SIN3B: variants seen among roughly 807,000 people sequenced by gnomAD.
SIN3B encodes paired amphipathic helix protein Sin3b.
SIN3B carries 19 observed loss-of-function variants against 120.2 expected under a neutral mutation model. That is an observed-to-expected ratio of 0.16 (90% CI 0.11 to 0.23). The LOEUF (loss-of-function observed/expected upper bound fraction) is 0.23. SIN3B is among the 10% of genes least tolerant of loss of function. The pLI is 1.00. For synonymous variants in SIN3B, 654 were observed against 653.2 expected (o/e 1.00, Z -0.02); for missense variants, 1,073 against 1,573.0 (o/e 0.68, Z 5.38).
chr19:16,878,655 G>C lies in SIN3B; in HGVS notation c.3321G>C (p.Glu1107Asp). The C allele has an allele frequency of 6.2e-7, 1 of 1,613,464 alleles. No individual in the cohort carries two copies. The highest frequency in any genetic ancestry group is 8.5e-7 in the Non-Finnish European group (1 of 1,179,808). ...EDMVPCKTLC[E>D]TVHVHGLPVT... ...TGGTACCCTGCAAGACGCTGTGTGA[G>C]ACAGTGCACGTGCACGGCCTGCCCG... is the stretch of plus-strand genomic sequence containing the variant. The change falls in exon 19 of 19, where the codon GAG becomes GAC. Residue 1107 changes from glutamate to aspartate, a missense_variant. By Grantham distance (45) the Glu-to-Asp change is conservative (BLOSUM62 2). Transcript: ENST00000248054.
At chr19:16,829,762 G>A (rs1398790407) in intron 1 of SIN3B, 29 bp from the exon 2 acceptor site, 7 of 1,571,610 alleles carry the variant, frequency 4.5e-6, no homozygotes, top group Non-Finnish European at 6.1e-6. Flanking sequence ...CGCGGCCAGG[G>A]CCCACCGGGA....
intron 3 of SIN3B, among the ~76,000 whole-genome samples, chr19:16,833,722 GT>G (rs1163593716): frequency 1.4e-5 from 2 of 146,196 alleles, no homozygotes; most frequent in South Asian, 2.3e-4. Context: ...GAGTCTCAGG[GT>G]TTTTTTTTTG....
intron 3 of SIN3B, among the ~76,000 whole-genome samples, chr19:16,840,755 C>T (rs1159849214): frequency 6.6e-6 from 1 of 152,206 alleles, no homozygotes; most frequent in Non-Finnish European, 1.5e-5. Flanking sequence ...CTCTGTTTCT[C>T]ACACTGTTCT....
chr19:16,849,956 CAAAAA>C (rs145144544), intron 5 of SIN3B, among the ~76,000 whole-genome samples: 1 of 59,256 alleles, frequency 1.7e-5, no homozygotes, highest in Admixed American at 1.9e-4. Context: ...ACCTCCGTCT[CAAAAA>C]AAAAAAAAAA....
chr19:16,875,220 TTGGTC>T (rs958347711), intron 14 of SIN3B, among the ~76,000 whole-genome samples: 53 of 138,812 alleles, frequency 3.8e-4, no homozygotes, highest in African/African-American at 9.0e-4. Flanking sequence ...CTGGTCTGGT[TTGGTC>T]TGGTCTGGTC....
Position 16,866,420 on chromosome 19 carries a change from A to G in SIN3B, c.1670A>G (p.Asn557Ser), listed in dbSNP as rs1971773974. ...EEWREAQQGF[N>S]KIWREQYEKA... ...TGGCGGGAGGCCCAGCAGGGCTTCAACAAGATCTGGCGGGAGCAGTATGAG... is the reference window on the plus strand; with the variant it reads ...TGGCGGGAGGCCCAGCAGGGCTTCAGCAAGATCTGGCGGGAGCAGTATGAG... The change falls in exon 12 of 19, where the codon AAC becomes AGC. Residue 557 changes from asparagine (N) to serine (S), a missense_variant. By Grantham distance (46) the Asn-to-Ser change is conservative. This residue lies in a region of SIN3B where 118 missense variants were observed against 281.6 expected (regional missense o/e 0.42). Coordinates refer to ENST00000248054, the MANE Select transcript of SIN3B (RefSeq NM_001297595.2). 5 of 1,613,176 alleles carry G rather than the reference A, an allele frequency of 3.1e-6. No individual in the cohort carries two copies. Among genetic ancestry groups the G allele is most frequent in the Non-Finnish European group, 3.4e-6 (4 of 1,179,888 alleles).
rs553017191 is a variant in SIN3B at position 16,860,448 on chromosome 19, G to A, written c.1059-1904G>A. On this transcript the variant is annotated intron_variant, in intron 8 of 18. Transcript: ENST00000248054. ...TTCCTACGTTTCCATCGGCTTGTGG[G>A]TTTTCCTTGTGAGCAGGGTTGGCAT... Among the ~76,000 whole-genome samples the A allele has an allele frequency of 3.3e-5, 5 of 152,238 alleles. No homozygotes were observed. In the South Asian group the frequency reaches 8.3e-4, roughly 25 times the overall value.
chr19:16,845,948 T>C (rs1208739851), intron 4 of SIN3B, among the ~76,000 whole-genome samples: 1 of 152,154 alleles, frequency 6.6e-6, no homozygotes, highest in Non-Finnish European at 1.5e-5. Flanking sequence ...AAGTGTAAAA[T>C]TTTTTGTAGC....
intron 3 of SIN3B, 117 bp from the exon 4 acceptor site, chr19:16,841,651 C>T: frequency 3.1e-6 from 3 of 958,938 alleles, no homozygotes; most frequent in East Asian, 2.4e-5. Flanking sequence ...GTCTCTAATA[C>T]AGCTTGGCTC....
chr19:16,854,280 A>G lies in SIN3B; in HGVS notation c.1058+19A>G, dbSNP rs779028007. On this transcript the variant is annotated intron_variant, in intron 8 of 18. Transcript: ENST00000248054. The stretch of plus-strand genomic sequence containing the variant: ...TTCTGGGGTGAGCAGCTGACTTCCC[A>G]GGGCTCCCTAGGGGGGTTCTGTTCC... 6.6e-7 allele frequency: 1 copy of G among 1,524,362 alleles called. No individual in the cohort carries two copies. The highest frequency in any genetic ancestry group is 9.1e-7 in the Non-Finnish European group (1 of 1,104,878). The allele number at this position is 1,524,362 out of a possible 1,614,324, so 94.4% of individuals were successfully genotyped here.
At chr19:16,858,092 G>T (rs1406725397) in intron 8 of SIN3B, among the ~76,000 whole-genome samples, 1 of 152,042 alleles carries the variant, frequency 6.6e-6, no homozygotes, top group Non-Finnish European at 1.5e-5. Context: ...GGTCAGGCTG[G>T]TCTCAAACTC....
chr19:16,844,795 A>C (rs2144587123), intron 4 of SIN3B, among the ~76,000 whole-genome samples: 1 of 152,278 alleles, frequency 6.6e-6, no homozygotes, highest in East Asian at 1.9e-4. Context: ...CTTGGAAGAG[A>C]CCTGAGGCTG....
intron 8 of SIN3B, among the ~76,000 whole-genome samples, chr19:16,860,778 T>C (rs1971677647): frequency 6.6e-6 from 1 of 151,800 alleles, no homozygotes; most frequent in African/African-American, 2.4e-5. Context: ...ATTTTTTTTT[T>C]GTATTTTTAG....
In SIN3B at chr19:16,841,962, G is replaced by A. The variant is rs373254965; in HGVS notation, c.576G>A (p.Thr192=). The change falls in exon 4 of 19, where the codon ACG becomes ACA. Residue 192 remains threonine (T), a synonymous_variant. Transcript: ENST00000248054. Reference sequence around the variant, plus strand: ...GGTCATTCCTGGAGATCCTGCACACGTACCAGGTAAGAACTCAGATTACAA... The same window carrying A: ...GGTCATTCCTGGAGATCCTGCACACATACCAGGTAAGAACTCAGATTACAA... ...IYRSFLEILH[T]YQKEQLNTRG... 10 of 1,612,984 alleles carry A rather than the reference G, an allele frequency of 6.2e-6. No individual in the cohort carries two copies. Among genetic ancestry groups the A allele is most frequent in the Middle Eastern group, 1.6e-4 (1 of 6,062 alleles).
chr19:16,830,621 C>T (rs975513032), intron 2 of SIN3B, among the ~76,000 whole-genome samples: 1 of 152,224 alleles, frequency 6.6e-6, no homozygotes, highest in African/African-American at 2.4e-5. Context: ...GCTGCCCCCT[C>T]TTAGGAAACA....
In SIN3B at chr19:16,860,662, G is replaced by A. The variant is rs979993981; in HGVS notation, c.1059-1690G>A. On this transcript the variant is annotated intron_variant, in intron 8 of 18. Transcript: ENST00000248054. ...GTCGCCCAGGCTGGAGTGCAGTGGC[G>A]TGATCTCGGCTCACTGCAACCTCTG... is the stretch of plus-strand genomic sequence containing the variant. Among the ~76,000 whole-genome samples the A allele has an allele frequency of 2.7e-5, 4 of 148,900 alleles. No individual in the cohort carries two copies. The South Asian group carries it at 6.4e-4, about 24-fold the overall frequency.
chr19:16,871,427 T>C lies in SIN3B; in HGVS notation c.2592+29T>C, dbSNP rs762763780. The stretch of plus-strand genomic sequence containing the variant: ...AGCCGGGCCGGGGTGGGGCCGGCCC[T>C]GAGGACGGCGGAAATGGCTCTACCA... On this transcript the variant is annotated intron_variant, in intron 14 of 18. Transcript: ENST00000248054. 3.8e-6 allele frequency: 6 copies of C among 1,569,890 alleles called. No homozygotes were observed. The South Asian group carries it at 4.7e-5, about 12-fold the overall frequency.
At chr19:16,854,778 A>T (rs1971590165) in intron 8 of SIN3B, 2 of 152,308 alleles carry the variant, frequency 1.3e-5, no homozygotes, top group African/African-American at 4.8e-5. Context: ...AGCTGCTGGG[A>T]TAGGGTCCGG....
In SIN3B at chr19:16,831,064, C is replaced by CTTTT. The variant is rs34911805; in HGVS notation, c.228-417_228-414dup. On this transcript the variant is annotated intron_variant, in intron 2 of 18. Coordinates refer to ENST00000248054, the MANE Select transcript of SIN3B (RefSeq NM_001297595.2). ...GTACAGATGCTATCACATGGGGGCA[C>CTTTT]TTTTTTTTTTTTTTTTGAGATGGAT... Among the ~76,000 whole-genome samples, 16 of 138,110 alleles carry CTTTT rather than the reference C, an allele frequency of 1.2e-4. 1 individual carries two copies. The highest frequency in any genetic ancestry group is 1.4e-4 in the Non-Finnish European group (9 of 63,108). 90.6% of individuals were successfully genotyped at this position (138,110 alleles called of 152,430 possible).
Sources: allele counts gnomAD v4.1 joint callset (sites outside exome capture counted in the v4.1 genomes callset), GRCh38; gene constraint gnomAD v4.1.1; regional missense constraint gnomAD v4.1.1; transcripts MANE v1.5; gene names NCBI Gene and HGNC (gene_info 2026-07-23, HGNC 2026-07-21).